KCNQ5: variants seen among roughly 807,000 people sequenced by gnomAD.
KCNQ5 encodes the protein potassium voltage-gated channel subfamily KQT member 5.
Under a neutral mutation model 98.2 loss-of-function variants are expected in KCNQ5, and 30 were observed. The observed-to-expected ratio is 0.31, with a 90% confidence interval of 0.23 to 0.41. KCNQ5 has a LOEUF of 0.41. Among genes scored for constraint, KCNQ5 ranks in the 10% least tolerant of loss-of-function variants. The pLI, the probability that KCNQ5 is intolerant of heterozygous loss-of-function variation, is 1.00. For synonymous variants in KCNQ5, 458 were observed against 449.4 expected, an observed-to-expected ratio of 1.02 and a Z score of -0.24; for missense variants, 835 against 1,182.5, an observed-to-expected ratio of 0.71 and a Z score of 4.31.
At chr6:73,075,318 G>T (rs1773484302) in intron 3 of KCNQ5, among the ~76,000 whole-genome samples, 1 of 151,426 alleles carries the variant, frequency 6.6e-6, no homozygotes, top group Non-Finnish European at 1.5e-5. Context: ...CGCCTCCTGG[G>T]TTCAAGGGAT....
intron 5 of KCNQ5, among the ~76,000 whole-genome samples, chr6:73,090,373 T>C (rs1237174742): frequency 3.9e-5 from 6 of 152,250 alleles, no homozygotes; most frequent in Non-Finnish European, 8.8e-5. Flanking sequence ...CTGTTTACTC[T>C]GCTGACTGTT....
At chr6:72,979,989 T>C (rs964835758) in intron 1 of KCNQ5, among the ~76,000 whole-genome samples, 16 of 152,306 alleles carry the variant, frequency 1.1e-4, no homozygotes, top group African/African-American at 3.6e-4. Context: ...TGGTTGTAGA[T>C]GTGTGGTGTT....
At chr6:73,045,287 T>C (rs1771910977) in intron 3 of KCNQ5, among the ~76,000 whole-genome samples, 1 of 152,198 alleles carries the variant, frequency 6.6e-6, no homozygotes, top group Admixed American at 6.5e-5. Flanking sequence ...ATAAATCTAT[T>C]TAACTTTTTT....
At chr6:72,955,550 A>C (rs935068369) in intron 1 of KCNQ5, among the ~76,000 whole-genome samples, 1 of 152,212 alleles carries the variant, frequency 6.6e-6, no homozygotes, top group African/African-American at 2.4e-5. Flanking sequence ...ATTAAAAAAG[A>C]AGATGTATAT....
intron 1 of KCNQ5, among the ~76,000 whole-genome samples, chr6:72,889,928 A>G (rs1429972671): frequency 1.3e-5 from 2 of 152,096 alleles, no homozygotes; most frequent in Admixed American, 6.5e-5. Context: ...ATATGCAGAA[A>G]CCTCCATGAA....
At chr6:73,083,608 T>G (rs75884466) in intron 5 of KCNQ5, among the ~76,000 whole-genome samples, 3 of 152,240 alleles carry the variant, frequency 2.0e-5, no homozygotes, top group Non-Finnish European at 2.9e-5. Flanking sequence ...GAATATTACA[T>G]TTATGTGCTT....
chr6:72,630,370 G>A (rs1433745884), intron 1 of KCNQ5: 1 of 152,056 alleles, frequency 6.6e-6, no homozygotes, highest in African/African-American at 2.4e-5. Flanking sequence ...TCCTTCTTCA[G>A]TCAGTGGCTG....
At chr6:72,936,261 A>T (rs1273068864) in intron 1 of KCNQ5, among the ~76,000 whole-genome samples, 1 of 152,030 alleles carries the variant, frequency 6.6e-6, no homozygotes, top group Non-Finnish European at 1.5e-5. Flanking sequence ...CCCATTATTC[A>T]TTTTTGTTTT....
intron 1 of KCNQ5, among the ~76,000 whole-genome samples, chr6:72,841,220 A>C (rs896068199): frequency 1.3e-5 from 2 of 152,150 alleles, no homozygotes; most frequent in African/African-American, 2.4e-5. Flanking sequence ...AATTTCTATT[A>C]GTTTTGCATT....
chr6:73,184,105 T>C (rs756749583), intron 11 of KCNQ5, among the ~76,000 whole-genome samples: 1 of 152,230 alleles, frequency 6.6e-6, no homozygotes, highest in Non-Finnish European at 1.5e-5. Flanking sequence ...ATTAGGTCTT[T>C]CTTTACTTTT....
chr6:72,631,373 G>A (rs1037688799), intron 1 of KCNQ5, among the ~76,000 whole-genome samples: 5 of 152,110 alleles, frequency 3.3e-5, no homozygotes, highest in African/African-American at 1.2e-4. Flanking sequence ...GAAATCTGGA[G>A]AATACCAACA....
At chr6:73,157,067 A>G (rs567706581) in intron 10 of KCNQ5, among the ~76,000 whole-genome samples, 1 of 152,350 alleles carries the variant, frequency 6.6e-6, no homozygotes, top group African/African-American at 2.4e-5. Context: ...ACCGGGGGCC[A>G]GGACCTGTTG....
intron 3 of KCNQ5, among the ~76,000 whole-genome samples, chr6:73,071,483 C>T (rs897927584): frequency 6.6e-6 from 1 of 152,082 alleles, no homozygotes; most frequent in African/African-American, 2.4e-5. Flanking sequence ...TAAAGGAATA[C>T]ACAAAGCTGG....
chr6:72,841,648 C>G (rs1196522071), intron 1 of KCNQ5, among the ~76,000 whole-genome samples: 1 of 152,086 alleles, frequency 6.6e-6, no homozygotes, highest in Non-Finnish European at 1.5e-5. Context: ...AGCCCTTTTT[C>G]TGCCAATGTT....
At chr6:72,663,462 T>A (rs7451091) in intron 1 of KCNQ5, among the ~76,000 whole-genome samples, 77,635 of 152,002 alleles carry the variant, frequency 0.51, 23,011 homozygotes, top group African/African-American at 0.82. Context: ...AATTTAGGTA[T>A]CAACCTGGTT....
chr6:72,824,670 G>T (rs1189524871), intron 1 of KCNQ5, among the ~76,000 whole-genome samples: 1 of 152,094 alleles, frequency 6.6e-6, no homozygotes, highest in African/African-American at 2.4e-5. Flanking sequence ...CAGCAATGGA[G>T]ATTTGATAGG....
intron 10 of KCNQ5, among the ~76,000 whole-genome samples, chr6:73,165,187 G>A (rs1777747132): frequency 6.6e-6 from 1 of 151,850 alleles, no homozygotes; most frequent in Admixed American, 6.6e-5. Context: ...GTAGAGACAG[G>A]GTTGCCCAGG....
chr6:73,170,565 G>GC (rs1221089570), intron 11 of KCNQ5, among the ~76,000 whole-genome samples: 1 of 10,790 alleles, frequency 9.3e-5, no homozygotes, highest in African/African-American at 6.5e-4. Context: ...TAACTATATT[G>GC]CAAAAAAAAA....
At chr6:73,165,587 A>G (rs917247343) in intron 10 of KCNQ5, among the ~76,000 whole-genome samples, 22 of 152,206 alleles carry the variant, frequency 1.4e-4, no homozygotes, top group Admixed American at 8.5e-4. Flanking sequence ...CACCGTGCCA[A>G]GTGCACCAGC....
Sources: allele counts gnomAD v4.1 joint callset (sites outside exome capture counted in the v4.1 genomes callset), GRCh38; gene constraint gnomAD v4.1.1; transcripts MANE v1.5; gene names NCBI Gene and HGNC (gene_info 2026-07-23, HGNC 2026-07-21).